Variants in SRC observed in about 807,000 individuals in gnomAD.
SRC encodes the protein SRC proto-oncogene, non-receptor tyrosine kinase, also known as proto-oncogene tyrosine-protein kinase Src.
In SRC, 13 loss-of-function variants were observed where a neutral mutation model predicts 62.9. That is an observed-to-expected ratio of 0.21 (90% CI 0.13 to 0.33). The LOEUF (loss-of-function observed/expected upper bound fraction) is 0.33. SRC is among the 10% of genes least tolerant of loss of function. The pLI is 1.00. For missense variants in SRC, 457 were observed against 737.3 expected (o/e 0.62, Z 4.40); for synonymous variants, 302 against 317.5 (o/e 0.95, Z 0.52).
intron 1 of SRC, among the ~76,000 whole-genome samples, chr20:37,355,176 TC>T (rs1231594410): frequency 6.6e-6 from 1 of 152,098 alleles, no homozygotes; most frequent in African/African-American, 2.4e-5. Context: ...TGATGCTGAC[TC>T]CCCTGCCCTC....
rs2070690131 is a variant in SRC, at chr20:37,398,425, G to A, written c.859+571G>A. On this transcript the variant is annotated intron_variant, in intron 9 of 13. Coordinates refer to ENST00000373578, the MANE Select transcript of SRC (RefSeq NM_198291.3). This position sits in a 1 kb window ranked among gnomAD's most constrained non-coding sequence, Gnocchi z 5.2. ...GCTCACACGGAGGGACCGGAGGCCA[G>A]GGTGGAGGAGAGACGGCGGTTGTAA... Among the ~76,000 whole-genome samples the A allele has an allele frequency of 1.3e-5, 2 of 152,248 alleles. No homozygotes were observed. Among genetic ancestry groups the A allele is most frequent in the South Asian group, 2.1e-4 (1 of 4,836 alleles).
chr20:37,373,396 C>CGT (rs2070222017), intron 2 of SRC, among the ~76,000 whole-genome samples: 2 of 151,512 alleles, frequency 1.3e-5, no homozygotes, highest in South Asian at 4.2e-4. Flanking sequence ...CACATATATG[C>CGT]GTATATATAC....
At chr20:37,369,767 G>A (rs1340181682) in intron 2 of SRC, among the ~76,000 whole-genome samples, 1 of 151,532 alleles carries the variant, frequency 6.6e-6, no homozygotes, top group Non-Finnish European at 1.5e-5. Flanking sequence ...GTTAGCTCTG[G>A]GGTTTTCTTT....
At chr20:37,367,008 A>C (rs914071078) in intron 2 of SRC, among the ~76,000 whole-genome samples, 1 of 151,854 alleles carries the variant, frequency 6.6e-6, no homozygotes, top group Non-Finnish European at 1.5e-5. Flanking sequence ...GAGGGTTCCA[A>C]TTTCTCCACA....
upstream of SRC, chr20:37,344,891 A>AG (rs2069696865): frequency 6.6e-6 from 1 of 152,574 alleles, no homozygotes; most frequent in Admixed American, 6.5e-5. Context: ...TTTACAGGTG[A>AG]GGGGGCTGGG....
intron 2 of SRC, among the ~76,000 whole-genome samples, chr20:37,369,594 T>C (rs1366606233): frequency 6.6e-6 from 1 of 152,182 alleles, no homozygotes; most frequent in African/African-American, 2.4e-5. Context: ...AAGAGAGTTT[T>C]CCTTCTTCCT....
intron 2 of SRC, among the ~76,000 whole-genome samples, chr20:37,365,921 C>G (rs903751517): frequency 9.9e-5 from 15 of 151,932 alleles, no homozygotes; most frequent in African/African-American, 3.6e-4. Flanking sequence ...ATAGCACACA[C>G]TCTACCCTGT....
In SRC at chr20:37,396,208, C is replaced by T; in HGVS notation, c.600C>T (p.Leu200=). 1.9e-6 allele frequency: 3 copies of T among 1,613,998 alleles called. No homozygotes were observed. Among genetic ancestry groups the T allele is most frequent in the Non-Finnish European group, 2.5e-6 (3 of 1,180,002 alleles). Residue 200 remains leucine (L), a synonymous_variant, in exon 8 of 14, where the codon CTC becomes CTT. Coordinates refer to ENST00000373578, the MANE Select transcript of SRC (RefSeq NM_198291.3). The surrounding 1 kb of genome is among the most constrained non-coding windows in gnomAD (Gnocchi z 6.1). ...CTGACTTCGACAACGCCAAGGGCCT[C>T]AACGTGAAGCACTACAAGATCCGCA... ...SVSDFDNAKG[L]NVKHYKIRKL...
intron 2 of SRC, among the ~76,000 whole-genome samples, chr20:37,373,526 G>C (rs1402077112): frequency 6.6e-6 from 1 of 151,896 alleles, no homozygotes; most frequent in Admixed American, 6.6e-5. Context: ...GTTCAGGCTG[G>C]TCTCAAACTC....
chr20:37,360,362 T>A (rs930615394), intron 1 of SRC, among the ~76,000 whole-genome samples: 1 of 151,800 alleles, frequency 6.6e-6, no homozygotes, highest in Non-Finnish European at 1.5e-5. Context: ...TAGCTGGGAC[T>A]ACAGGCGCAT....
intron 2 of SRC, among the ~76,000 whole-genome samples, chr20:37,368,518 C>CTTTTTTTTTTTTTTGTTTTTTTTT (rs2070102489): frequency 1.4e-5 from 1 of 73,898 alleles, no homozygotes. Flanking sequence ...CCTATATTTT[C>CTTTTTTTTTTTTTTGTTTTTTTTT]TTTTTTTTTT....
At chr20:37,345,235 G>C (rs1451096561), upstream of SRC, among the ~76,000 whole-genome samples, 1 of 152,162 alleles carries the variant, frequency 6.6e-6, no homozygotes, top group Non-Finnish European at 1.5e-5. Context: ...GACAGGTAAG[G>C]AGCCAAGGGT....
chr20:37,377,020 C>T (rs935543257), intron 2 of SRC, among the ~76,000 whole-genome samples: 5 of 152,206 alleles, frequency 3.3e-5, no homozygotes, highest in African/African-American at 9.7e-5. Context: ...TGGCCTTGGA[C>T]AAGGTTTTAG....
chr20:37,373,291 A>G (rs2070213125), intron 2 of SRC, among the ~76,000 whole-genome samples: 1 of 151,908 alleles, frequency 6.6e-6, no homozygotes, highest in Non-Finnish European at 1.5e-5. Context: ...CACATATTAC[A>G]TATGTACACA....
rs768270610 is a variant in SRC, at chr20:37,402,419, A to T, written c.1117-16A>T. The T allele has an allele frequency of 6.2e-7, 1 of 1,608,088 alleles. No homozygotes were observed. On this transcript the variant is annotated splice_polypyrimidine_tract_variant and intron_variant, in intron 11 of 13. Coordinates refer to ENST00000373578, the MANE Select transcript of SRC (RefSeq NM_198291.3). The surrounding 1 kb of genome is among the most constrained non-coding windows in gnomAD (Gnocchi z 6.2). ...TGGGTGGCACCTGAGCCAGGCTCCC[A>T]CGGTTCCGCCTGCAGATCGCCTCAG...
intron 3 of SRC, among the ~76,000 whole-genome samples, chr20:37,383,088 C>G (rs1389066904): frequency 6.6e-6 from 1 of 152,202 alleles, no homozygotes; most frequent in Non-Finnish European, 1.5e-5. Flanking sequence ...CAGCAGTGAA[C>G]AAGATGAACA....
In SRC at chr20:37,384,505, T is replaced by G; in HGVS notation, c.250+102T>G. On this transcript the variant is annotated intron_variant, in intron 4 of 13. Transcript: ENST00000373578. This position sits in a 1 kb window ranked among gnomAD's most constrained non-coding sequence, Gnocchi z 6.7. ...TCGCCCCCTCTGCGCAGGCCCTTCC[T>G]CTCGCCAGGGGTAGCGCCCCTGGGT... 6 of 1,075,480 alleles carry G rather than the reference T, an allele frequency of 5.6e-6. No homozygotes were observed. Among genetic ancestry groups the G allele is most frequent in the Middle Eastern group, 3.9e-4 (1 of 2,558 alleles). 66.6% of individuals were successfully genotyped at this position (1,075,480 alleles called of 1,614,324 possible).
intron 5 of SRC, among the ~76,000 whole-genome samples, chr20:37,390,231 A>G (rs2070524827): frequency 6.6e-6 from 1 of 152,186 alleles, no homozygotes; most frequent in South Asian, 2.1e-4. Context: ...TACTTGCCCA[A>G]GATCACACAG....
intron 6 of SRC, 37 bp from the exon 7 acceptor site, chr20:37,394,137 G>C: frequency 6.3e-7 from 1 of 1,596,330 alleles, no homozygotes; most frequent in South Asian, 1.1e-5. Flanking sequence ...GCAGAAGCCT[G>C]GACAGTCAGC....
Sources: gnomAD v4.1 joint callset for allele counts (sites outside exome capture counted in the v4.1 genomes callset) on GRCh38, gnomAD v4.1.1 for gene constraint, Gnocchi (gnomAD v3.1) non-coding constraint, MANE v1.5 for transcripts, NCBI Gene and HGNC (gene_info 2026-07-23, HGNC 2026-07-21) for gene names.